RALGPS1: variants seen among roughly 807,000 people sequenced by gnomAD.
The protein encoded by RALGPS1 is ras-specific guanine nucleotide-releasing factor RalGPS1.
RALGPS1 carries 19 observed loss-of-function variants against 78.8 expected under a neutral mutation model. That is an observed-to-expected ratio of 0.24 (90% confidence interval 0.17 to 0.35). The LOEUF (loss-of-function observed/expected upper bound fraction) is 0.35, where lower values mean the gene tolerates loss of function less well. RALGPS1 is among the 10% of genes least tolerant of loss of function. RALGPS1 has a pLI of 1.00. For synonymous variants in RALGPS1, 228 were observed against 256.3 expected, an observed-to-expected ratio of 0.89 and a Z score of 1.06; for missense variants, 454 against 688.3, an observed-to-expected ratio of 0.66 and a Z score of 3.81.
At chr9:126,932,034 T>C (rs1383328614) in intron 1 of RALGPS1, among the ~76,000 whole-genome samples, 2 of 152,024 alleles carry the variant, frequency 1.3e-5, no homozygotes, top group South Asian at 2.1e-4. Context: ...GGCTGTTACG[T>C]TGGAAACAAT....
chr9:127,153,721 C>T (rs1375644832), intron 8 of RALGPS1, among the ~76,000 whole-genome samples: 4 of 152,314 alleles, frequency 2.6e-5, no homozygotes, highest in East Asian at 1.9e-4. Flanking sequence ...CCTGCCACTT[C>T]GGCCTCTGTT....
At chr9:127,101,622 T>C (rs962752138) in intron 8 of RALGPS1, among the ~76,000 whole-genome samples, 2 of 152,172 alleles carry the variant, frequency 1.3e-5, no homozygotes, top group African/African-American at 4.8e-5. Context: ...CCACAACAGA[T>C]GATAATCCAC....
At chr9:127,014,838 C>T (rs1485349238) in intron 4 of RALGPS1, among the ~76,000 whole-genome samples, 1 of 152,166 alleles carries the variant, frequency 6.6e-6, no homozygotes, top group African/African-American at 2.4e-5. Context: ...GGTTATCTTA[C>T]ATCATACCCG....
chr9:126,945,129 C>T (rs116090820), intron 1 of RALGPS1, among the ~76,000 whole-genome samples: 143 of 152,304 alleles, frequency 9.4e-4, no homozygotes, highest in African/African-American at 3.3e-3. Context: ...ACTCCTTCCT[C>T]CAGTTGCAAG....
At chr9:127,147,938 A>G (rs561339003) in intron 8 of RALGPS1, among the ~76,000 whole-genome samples, 1 of 152,314 alleles carries the variant, frequency 6.6e-6, no homozygotes, top group East Asian at 1.9e-4. Flanking sequence ...ATGGAAATTA[A>G]GATTCAGATA....
chr9:127,115,800 G>T lies in RALGPS1; in HGVS notation c.610+46444G>T, dbSNP rs563292724. Reference sequence around the variant, plus strand: ...AGCTGCTTGATCACGCAAGTGGTAAGACCCCAAAATGGGCATCTGGGATGA... The same window carrying T: ...AGCTGCTTGATCACGCAAGTGGTAATACCCCAAAATGGGCATCTGGGATGA... On this transcript the variant is annotated intron_variant, in intron 8 of 18. Transcript: ENST00000259351. 1.4e-4 allele frequency among the ~76,000 whole-genome samples: 21 copies of T among 152,350 alleles called. No individual in the cohort carries two copies. In the South Asian group the frequency reaches 4.4e-3, roughly 32 times the overall value.
At chr9:127,167,963 C>G (rs1158895547) in intron 9 of RALGPS1, among the ~76,000 whole-genome samples, 1 of 152,248 alleles carries the variant, frequency 6.6e-6, no homozygotes, top group Non-Finnish European at 1.5e-5. Context: ...CCTTCCATCA[C>G]CTGAAGTCCC....
At chr9:127,179,584 G>GTTCA (rs1437496421) in intron 11 of RALGPS1, among the ~76,000 whole-genome samples, 2 of 152,216 alleles carry the variant, frequency 1.3e-5, no homozygotes, top group Non-Finnish European at 2.9e-5. Context: ...CCTAAGACAT[G>GTTCA]TTCATTCATT....
intron 11 of RALGPS1, among the ~76,000 whole-genome samples, chr9:127,187,902 C>T (rs1193769278): frequency 6.6e-6 from 1 of 152,160 alleles, no homozygotes; most frequent in Non-Finnish European, 1.5e-5. Context: ...CCGGGGTGCA[C>T]AGCAGAATCA....
At chr9:126,919,624 G>A (rs1720627901) in intron 1 of RALGPS1, among the ~76,000 whole-genome samples, 1 of 152,140 alleles carries the variant, frequency 6.6e-6, no homozygotes, top group South Asian at 2.1e-4. Context: ...TTGTGCGGAG[G>A]AAGGGAGATC....
At chr9:126,933,737 G>T (rs1170047858) in intron 1 of RALGPS1, among the ~76,000 whole-genome samples, 1 of 151,744 alleles carries the variant, frequency 6.6e-6, no homozygotes, top group Non-Finnish European at 1.5e-5. Context: ...TGGTGAGGGG[G>T]TGCTTTGGAA....
intron 10 of RALGPS1, among the ~76,000 whole-genome samples, chr9:127,171,937 G>A (rs929487188): frequency 1.3e-5 from 2 of 152,130 alleles, no homozygotes; most frequent in African/African-American, 4.8e-5. Context: ...CTTTTTGTTA[G>A]TTGTGTTATT....
At chr9:126,939,676 G>A (rs2036575871) in intron 1 of RALGPS1, among the ~76,000 whole-genome samples, 1 of 152,382 alleles carries the variant, frequency 6.6e-6, no homozygotes, top group East Asian at 1.9e-4. Flanking sequence ...ACCCAGGACA[G>A]TTGGACTTCC....
chr9:127,180,383 G>A (rs188581241), intron 11 of RALGPS1, among the ~76,000 whole-genome samples: 71 of 152,318 alleles, frequency 4.7e-4, no homozygotes, highest in African/African-American at 1.7e-3. Flanking sequence ...ACACACCTGC[G>A]TGTCTCCCTG....
At chr9:127,035,781 C>T (rs2046815120) in intron 5 of RALGPS1, among the ~76,000 whole-genome samples, 1 of 152,124 alleles carries the variant, frequency 6.6e-6, no homozygotes, top group African/African-American at 2.4e-5. Flanking sequence ...CCAAGAAAGA[C>T]CTAGGTGCAT....
chr9:126,973,969 T>A (rs186017257), intron 3 of RALGPS1, among the ~76,000 whole-genome samples: 1 of 152,188 alleles, frequency 6.6e-6, no homozygotes, highest in Admixed American at 6.5e-5. Context: ...TCCTCTCGGG[T>A]TCAAGCAATT....
At chr9:127,085,506 G>A (rs2051616426) in intron 8 of RALGPS1, among the ~76,000 whole-genome samples, 1 of 152,136 alleles carries the variant, frequency 6.6e-6, no homozygotes, top group South Asian at 2.1e-4. Context: ...CTTCTTCCAT[G>A]CCACCAGCTT....
At chr9:127,023,773 C>A (rs146712185) in intron 4 of RALGPS1, among the ~76,000 whole-genome samples, 1 of 152,136 alleles carries the variant, frequency 6.6e-6, no homozygotes, top group Non-Finnish European at 1.5e-5. Context: ...CGGTGGCTCA[C>A]GTCTGTAATC....
At chr9:127,187,299 A>G (rs1485036424) in intron 11 of RALGPS1, among the ~76,000 whole-genome samples, 1 of 152,126 alleles carries the variant, frequency 6.6e-6, no homozygotes, top group Non-Finnish European at 1.5e-5. Flanking sequence ...TTACTAGATC[A>G]CTTCAGATAT....
Sources: allele counts gnomAD v4.1 joint callset (sites outside exome capture counted in the v4.1 genomes callset), GRCh38; gene constraint gnomAD v4.1.1; transcripts MANE v1.5; gene names NCBI Gene and HGNC (gene_info 2026-07-23, HGNC 2026-07-21).